The following APPBP2 variants were observed in gnomAD, a reference collection of about 807,000 sequenced individuals.
The protein encoded by APPBP2 is amyloid protein-binding protein 2.
Under a neutral mutation model 76.0 loss-of-function variants are expected in APPBP2, and 15 were observed. The observed-to-expected ratio is 0.20, with a 90% CI of 0.13 to 0.30. The LOEUF (loss-of-function observed/expected upper bound fraction) is 0.30. Ranked by LOEUF, APPBP2 falls within the 10% of genes least tolerant of loss-of-function variation. The pLI is 1.00. For missense variants in APPBP2, 401 were observed against 687.2 expected (o/e 0.58, Z 4.66); for synonymous variants, 222 against 242.2 (o/e 0.92, Z 0.77).
At chr17:60,469,287 C>T (rs577068410) in intron 4 of APPBP2, among the ~76,000 whole-genome samples, 3 of 143,932 alleles carry the variant, frequency 2.1e-5, no homozygotes, top group African/African-American at 2.7e-5. Flanking sequence ...GATCACACCA[C>T]TGCACTCCAG....
intron 2 of APPBP2, among the ~76,000 whole-genome samples, chr17:60,496,744 A>T (rs2143442081): frequency 6.6e-6 from 1 of 152,206 alleles, no homozygotes; most frequent in Middle Eastern, 3.4e-3. Context: ...TTTTTGAGAC[A>T]GAGTCTCACT....
At position 60,446,190 on chromosome 17, in the gene APPBP2, T is replaced by C. The variant is rs1338162261; in HGVS notation, c.*1391A>G. The C allele has an allele frequency of 1.3e-5, 2 of 152,604 alleles. No homozygotes were observed. The highest frequency in any genetic ancestry group is 3.8e-4 in the East Asian group (2 of 5,204). The allele number at this position is 152,604 out of a possible 1,614,324, so 9.5% of individuals were successfully genotyped here. The stretch of plus-strand genomic sequence containing the variant: ...TAGGGGGGGAACCCAGATTCTTAAC[T>C]ATAGAAGCATCAGATGGGCTACTAC... On this transcript the variant is annotated 3_prime_UTR_variant, in exon 13 of 13. Transcript: ENST00000083182.
intron 8 of APPBP2, 108 bp downstream of exon 8, chr17:60,461,702 G>A (rs933168170): frequency 8.5e-6 from 6 of 703,418 alleles, no homozygotes; most frequent in Admixed American, 2.5e-5. Flanking sequence ...ATTGGTGGGC[G>A]GGGTAGTTGT....
At chr17:60,505,983 TTTC>T (rs1355749234) in intron 1 of APPBP2, among the ~76,000 whole-genome samples, 9 of 146,594 alleles carry the variant, frequency 6.1e-5, no homozygotes, top group African/African-American at 2.5e-4. Context: ...ATGCCTGGCC[TTTC>T]TTTTTTTTTT....
chr17:60,454,820 T>G (rs970092213), intron 10 of APPBP2, among the ~76,000 whole-genome samples: 1 of 152,198 alleles, frequency 6.6e-6, no homozygotes, highest in Non-Finnish European at 1.5e-5. Flanking sequence ...CAAGGCAAGT[T>G]TTTTAAAGTC....
chr17:60,458,782 G>GT lies in APPBP2; in HGVS notation c.1061+1880dup, dbSNP rs1555631064. On this transcript the variant is annotated intron_variant, in intron 9 of 12. Coordinates refer to ENST00000083182, the MANE Select transcript of APPBP2 (RefSeq NM_006380.5). The stretch of plus-strand genomic sequence containing the variant: ...AAAAGAAGTTCTGGTTTTTTTTTTT[G>GT]TTTTTTTTTTTGAGACGGAGTCTCG... Among the ~76,000 whole-genome samples, 760 of 120,614 alleles carry GT rather than the reference G, an allele frequency of 6.3e-3. 6 individuals are homozygous for GT. Among genetic ancestry groups the GT allele is most frequent in the African/African-American group, 0.026 (567 of 21,608 alleles). 79.1% of individuals were successfully genotyped at this position (120,614 alleles called of 152,430 possible).
At chr17:60,486,060 G>A (rs556765409) in intron 3 of APPBP2, among the ~76,000 whole-genome samples, 77 of 152,316 alleles carry the variant, frequency 5.1e-4, no homozygotes, top group African/African-American at 1.8e-3. Flanking sequence ...TGAGGTCTGA[G>A]AGACAGTTTG....
intron 12 of APPBP2, among the ~76,000 whole-genome samples, chr17:60,448,498 A>G (rs1442738130): frequency 6.6e-6 from 1 of 152,190 alleles, no homozygotes; most frequent in African/African-American, 2.4e-5. Flanking sequence ...ACCAAAACAC[A>G]TGCACAAGGC....
intron 12 of APPBP2, among the ~76,000 whole-genome samples, chr17:60,450,437 C>CAAA (rs374410554): frequency 1.2e-4 from 14 of 114,792 alleles, no homozygotes; most frequent in African/African-American, 4.5e-4. Context: ...GACTCCCTCT[C>CAAA]AAAAAAAAAA....
intron 1 of APPBP2, among the ~76,000 whole-genome samples, chr17:60,505,510 C>T (rs558760440): frequency 1.6e-4 from 25 of 151,646 alleles, no homozygotes; most frequent in African/African-American, 3.9e-4. Context: ...AGAGACGGGG[C>T]TTCACGGTGT....
intron 11 of APPBP2, among the ~76,000 whole-genome samples, 184 bp from the exon 12 acceptor site, chr17:60,452,229 T>G (rs1004535236): frequency 1.3e-5 from 2 of 152,216 alleles, no homozygotes; most frequent in East Asian, 3.8e-4. Flanking sequence ...TTTTGGAAAC[T>G]GCAGATAAAC....
chr17:60,464,032 G>C lies in APPBP2; in HGVS notation c.751C>G (p.Gln251Glu). The C allele has an allele frequency of 3.1e-6, 5 of 1,605,480 alleles. No homozygotes were observed. Among genetic ancestry groups the C allele is most frequent in the Non-Finnish European group, 4.3e-6 (5 of 1,174,126 alleles). Residue 251 changes from glutamine to glutamate, a missense_variant, in exon 6 of 13, where the codon CAA becomes GAA. Physicochemically the swap from Gln to Glu is conservative, Grantham distance 29. Around this residue, in one of 5 missense-constraint regions of APPBP2, gnomAD observed 130 missense variants for 322.7 expected, o/e 0.40. Coordinates refer to ENST00000083182, the MANE Select transcript of APPBP2 (RefSeq NM_006380.5). ...PVKVVVDVLR[Q>E]ASKACVVKRE... ...AACATTATATTTACCTTAGAAGCTT[G>C]TCTTAAGACATCCACCACAACTTTC...
intron 3 of APPBP2, among the ~76,000 whole-genome samples, chr17:60,488,922 T>C (rs1344491208): frequency 6.6e-6 from 1 of 152,196 alleles, no homozygotes; most frequent in East Asian, 1.9e-4. Flanking sequence ...TCCATAAGAC[T>C]ATTTAAAAAA....
chr17:60,516,548 AGTT>A (rs1598376788), intron 1 of APPBP2, among the ~76,000 whole-genome samples: 1 of 152,180 alleles, frequency 6.6e-6, no homozygotes, highest in Non-Finnish European at 1.5e-5. Context: ...TATTTCAAGT[AGTT>A]GTTGTTCATT....
intron 3 of APPBP2, among the ~76,000 whole-genome samples, chr17:60,480,809 T>C (rs1037150850): frequency 1.1e-4 from 16 of 152,160 alleles, no homozygotes; most frequent in Non-Finnish European, 1.5e-4. Flanking sequence ...CTGGCTCCGT[T>C]TGGCTCAGCG....
intron 3 of APPBP2, among the ~76,000 whole-genome samples, chr17:60,488,841 T>C (rs576823008): frequency 1.3e-5 from 2 of 152,338 alleles, no homozygotes; most frequent in South Asian, 2.1e-4. Flanking sequence ...AGGGATATCA[T>C]CCTTAACATT....
chr17:60,479,680 A>T lies in APPBP2; in HGVS notation c.380-409T>A, dbSNP rs999140500. Among the ~76,000 whole-genome samples, 3 of 152,234 alleles carry T rather than the reference A, an allele frequency of 2.0e-5. No individual in the cohort carries two copies. In the East Asian group the frequency reaches 5.8e-4, roughly 29 times the overall value. On this transcript the variant is annotated intron_variant, in intron 3 of 12. Transcript: ENST00000083182. ...GCACATAACGGAGGATACACAGATAAAAAAAGACTGTGATCCTTAATCGAT... is the reference window on the plus strand; with the variant it reads ...GCACATAACGGAGGATACACAGATATAAAAAGACTGTGATCCTTAATCGAT...
chr17:60,486,404 A>AG (rs1223998891), intron 3 of APPBP2, among the ~76,000 whole-genome samples: 1 of 152,206 alleles, frequency 6.6e-6, no homozygotes, highest in Non-Finnish European at 1.5e-5. Flanking sequence ...ATATATATTT[A>AG]GGATAGTTAG....
intron 3 of APPBP2, among the ~76,000 whole-genome samples, chr17:60,483,414 G>A (rs1370864787): frequency 1.3e-5 from 2 of 151,570 alleles, no homozygotes; most frequent in Non-Finnish European, 2.9e-5. Context: ...TTTTTTTTGA[G>A]ATGGAGACTT....
Sources: allele counts gnomAD v4.1 joint callset (sites outside exome capture counted in the v4.1 genomes callset), GRCh38; gene constraint gnomAD v4.1.1; regional missense constraint gnomAD v4.1.1; transcripts MANE v1.5; gene names NCBI Gene and HGNC (gene_info 2026-07-23, HGNC 2026-07-21).